Variants in ZNF644 observed in about 807,000 individuals in gnomAD.
The protein encoded by ZNF644 is zinc finger protein 644.
Under a neutral mutation model 108.0 loss-of-function variants are expected in ZNF644, and 20 were observed. The observed-to-expected ratio is 0.19, with a 90% CI of 0.13 to 0.27. ZNF644 has a LOEUF of 0.27. ZNF644 is among the 10% of genes least tolerant of loss of function. ZNF644 has a pLI of 1.00. For synonymous variants in ZNF644, 542 were observed against 539.1 expected (o/e 1.01, Z -0.08); for missense variants, 1,338 against 1,548.9 (o/e 0.86, Z 2.29).
intron 1 of ZNF644, among the ~76,000 whole-genome samples, chr1:90,984,902 T>A (rs1162228675): frequency 2.0e-5 from 3 of 152,220 alleles, no homozygotes; most frequent in East Asian, 1.9e-4. Context: ...GCATATTTTT[T>A]AAAACTATAT....
intron 1 of ZNF644, among the ~76,000 whole-genome samples, chr1:91,017,401 A>G (rs1399850330): frequency 1.3e-5 from 2 of 152,270 alleles, no homozygotes; most frequent in Middle Eastern, 3.4e-3. Flanking sequence ...GGGGAAAGAA[A>G]ATCTCCCAGA....
chr1:90,933,976 T>C lies in ZNF644; in HGVS notation c.3688+3509A>G, dbSNP rs544004454. On this transcript the variant is annotated intron_variant, in intron 4 of 5. Coordinates refer to ENST00000337393, the MANE Select transcript of ZNF644 (RefSeq NM_201269.3). ...AAAGATTAAATGTTATGCATGTAAATTGCATAGCATAGTGCCTGACACATA... is the reference window on the plus strand; with the variant it reads ...AAAGATTAAATGTTATGCATGTAAACTGCATAGCATAGTGCCTGACACATA... Among the ~76,000 whole-genome samples, 22 of 152,312 alleles carry C rather than the reference T, an allele frequency of 1.4e-4. No individual in the cohort carries two copies. The South Asian group carries it at 2.9e-3, about 20-fold the overall frequency.
intron 2 of ZNF644, among the ~76,000 whole-genome samples, chr1:90,980,891 C>A (rs1311388062): frequency 6.6e-6 from 1 of 152,080 alleles, no homozygotes. Flanking sequence ...GGTGGTTACA[C>A]ATATGAATGT....
chr1:90,925,843 T>C (rs1455105242), intron 4 of ZNF644, among the ~76,000 whole-genome samples: 2 of 152,146 alleles, frequency 1.3e-5, no homozygotes, highest in African/African-American at 4.8e-5. Context: ...AGTGTGGTTA[T>C]TTGCTTTTGA....
intron 1 of ZNF644, among the ~76,000 whole-genome samples, chr1:91,000,194 G>A (rs1424576316): frequency 6.6e-6 from 1 of 152,144 alleles, no homozygotes; most frequent in Admixed American, 6.5e-5. Context: ...GGACCTAACA[G>A]ACATCTACAG....
chr1:90,937,700 G>T lies in ZNF644; in HGVS notation c.3473C>A (p.Pro1158Gln), dbSNP rs749326712. The T allele has an allele frequency of 1.9e-5, 31 of 1,613,692 alleles. No individual in the cohort carries two copies. The highest frequency in any genetic ancestry group is 2.4e-5 in the Non-Finnish European group (28 of 1,179,864). ...ATTCTTTTTCCCACTGGGCAGTTCT[G>T]GTTTTGTTTCATCATATTCATTTAA... ...NFLNEYDETK[P>Q]ELPSGKKNQS... Residue 1158 changes from proline (P) to glutamine (Q), a missense_variant, in exon 4 of 6, where the codon CCA becomes CAA. Around this residue, in one of 6 missense-constraint regions of ZNF644, gnomAD observed 287 missense variants for 310.9 expected, o/e 0.92. Coordinates refer to ENST00000337393, the MANE Select transcript of ZNF644 (RefSeq NM_201269.3).
intron 4 of ZNF644, among the ~76,000 whole-genome samples, chr1:90,927,279 T>C (rs576613931): frequency 1.3e-5 from 2 of 152,330 alleles, no homozygotes; most frequent in Admixed American, 6.5e-5. Context: ...TTCTACTGTA[T>C]TGTAAGATCC....
At chr1:90,947,418 C>T (rs1652632095) in intron 2 of ZNF644, among the ~76,000 whole-genome samples, 1 of 152,134 alleles carries the variant, frequency 6.6e-6, no homozygotes, top group South Asian at 2.1e-4. Context: ...GGTCAGTTCA[C>T]TATAAAACAT....
At chr1:90,987,970 C>G (rs983344007) in intron 1 of ZNF644, among the ~76,000 whole-genome samples, 19 of 152,114 alleles carry the variant, frequency 1.2e-4, no homozygotes, top group African/African-American at 4.6e-4. Context: ...CCGTGAAAGA[C>G]TGAAAGCGTT....
intron 1 of ZNF644, among the ~76,000 whole-genome samples, chr1:90,994,043 C>T (rs1657888952): frequency 6.6e-6 from 1 of 152,190 alleles, no homozygotes; most frequent in Admixed American, 6.5e-5. Flanking sequence ...CCCTGTTCTC[C>T]TAGCACAGTA....
intron 2 of ZNF644, among the ~76,000 whole-genome samples, chr1:90,975,250 T>C (rs1655878349): frequency 6.6e-6 from 1 of 152,228 alleles, no homozygotes; most frequent in African/African-American, 2.4e-5. Context: ...GTACTAATGA[T>C]ACTTGATTAT....
At chr1:90,925,195 G>GC (rs1159619342) in intron 4 of ZNF644, among the ~76,000 whole-genome samples, 3 of 152,126 alleles carry the variant, frequency 2.0e-5, no homozygotes, top group Non-Finnish European at 4.4e-5. Flanking sequence ...TGACTCTCAT[G>GC]CCCCCCACTG....
intron 1 of ZNF644, among the ~76,000 whole-genome samples, chr1:90,986,559 T>G (rs1657119744): frequency 6.6e-6 from 1 of 152,026 alleles, no homozygotes; most frequent in East Asian, 1.9e-4. Context: ...AAATGACAGT[T>G]GGAAGGGGTG....
At position 90,939,910 on chromosome 1, in the gene ZNF644, G is replaced by T; in HGVS notation, c.1444C>A (p.Arg482Ser). ...TCATCCTGAAGTTCTTTCAATTCACGAATTTCCTCCATCAACTTCTGTCTT... is the reference window on the plus strand; with the variant it reads ...TCATCCTGAAGTTCTTTCAATTCACTAATTTCCTCCATCAACTTCTGTCTT... ...ERRQKLMEEI[R>S]ELKELQDEGR... Residue 482 changes from arginine (R) to serine (S), a missense_variant, in exon 3 of 6, where the codon CGT (arginine) becomes AGT (serine). Around this residue, in one of 6 missense-constraint regions of ZNF644, gnomAD observed 80 missense variants for 183.0 expected, o/e 0.44. Transcript: ENST00000337393. 6.2e-7 allele frequency: 1 copy of T among 1,613,914 alleles called. No individual in the cohort carries two copies. Among genetic ancestry groups the T allele is most frequent in the Non-Finnish European group, 8.5e-7 (1 of 1,179,936 alleles).
At chr1:90,958,615 G>A (rs112271338) in intron 2 of ZNF644, among the ~76,000 whole-genome samples, 1,761 of 152,156 alleles carry the variant, frequency 0.012, 15 homozygotes, top group South Asian at 0.021. Flanking sequence ...TAGAAGCAGG[G>A]TAGACATACA....
chr1:90,951,217 C>T (rs1185293836), intron 2 of ZNF644, among the ~76,000 whole-genome samples: 1 of 152,196 alleles, frequency 6.6e-6, no homozygotes, highest in East Asian at 1.9e-4. Flanking sequence ...ACCATCTATT[C>T]TCAACACAGC....
intron 1 of ZNF644, among the ~76,000 whole-genome samples, chr1:91,002,727 TCAGAGTGAA>T (rs1658988019): frequency 6.6e-6 from 1 of 152,052 alleles, no homozygotes; most frequent in African/African-American, 2.4e-5. Flanking sequence ...GAAACTACCA[TCAGAGTGAA>T]CAGGCAACCT....
At chr1:90,923,336 C>T (rs141049590) in intron 4 of ZNF644, among the ~76,000 whole-genome samples, 1 of 151,858 alleles carries the variant, frequency 6.6e-6, no homozygotes, top group Non-Finnish European at 1.5e-5. Context: ...CTCAATCTCT[C>T]GGCCCATTCA....
At chr1:90,963,813 G>C (rs578217360) in intron 2 of ZNF644, among the ~76,000 whole-genome samples, 1 of 152,212 alleles carries the variant, frequency 6.6e-6, no homozygotes, top group Non-Finnish European at 1.5e-5. Context: ...GGGTTTCTGG[G>C]TTGCTGGCAG....
Sources: allele counts gnomAD v4.1 joint callset (sites outside exome capture counted in the v4.1 genomes callset), GRCh38; gene constraint gnomAD v4.1.1; regional missense constraint gnomAD v4.1.1; transcripts MANE v1.5; gene names NCBI Gene and HGNC (gene_info 2026-07-23, HGNC 2026-07-21).